Variants in FANK1 observed in about 807,000 individuals in gnomAD.
FANK1 encodes fibronectin type 3 and ankyrin repeat domains protein 1.
FANK1 carries 44 observed loss-of-function variants against 45.3 expected under a neutral mutation model. The ratio of observed to expected loss-of-function variants is 0.97; its 90% CI spans 0.76 to 1.25. The LOEUF (loss-of-function observed/expected upper bound fraction) is 1.25. Among genes scored for constraint, FANK1 ranks in the 50% most tolerant of loss-of-function variants. FANK1 has a pLI of 0.00. For missense variants in FANK1, 391 were observed against 424.4 expected, an observed-to-expected ratio of 0.92 and a Z score of 0.69; for synonymous variants, 149 against 152.5, an observed-to-expected ratio of 0.98 and a Z score of 0.17.
chr10:125,929,200 G>C (rs1947584233), intron 1 of FANK1, among the ~76,000 whole-genome samples: 1 of 152,180 alleles, frequency 6.6e-6, no homozygotes, highest in South Asian at 2.1e-4. Flanking sequence ...AAAGGCCCCT[G>C]GATGGTAGTG....
intron 7 of FANK1, among the ~76,000 whole-genome samples, chr10:126,007,540 C>T (rs954333602): frequency 2.0e-5 from 3 of 152,314 alleles, no homozygotes; most frequent in Admixed American, 1.3e-4. Flanking sequence ...GAAGTGCTCC[C>T]AAGATCTCCT....
At chr10:125,919,806 A>G (rs1241365705) in intron 1 of FANK1, among the ~76,000 whole-genome samples, 1 of 152,210 alleles carries the variant, frequency 6.6e-6, no homozygotes, top group Non-Finnish European at 1.5e-5. Context: ...AAGCAGCCCA[A>G]AAACTCTAGA....
At chr10:125,949,048 G>A (rs1949016285) in intron 1 of FANK1, among the ~76,000 whole-genome samples, 1 of 150,358 alleles carries the variant, frequency 6.7e-6, no homozygotes, top group African/African-American at 2.5e-5. Context: ...TACAGAAAAA[G>A]CCTTTGACAA....
At chr10:125,972,958 C>T (rs1272973910) in intron 1 of FANK1, 3 of 152,444 alleles carry the variant, frequency 2.0e-5, no homozygotes, top group Middle Eastern at 3.1e-3. Flanking sequence ...AGCACCACAC[C>T]CACCTTTTCC....
rs73372509 is a variant in FANK1, at chr10:125,998,474, A to G, written c.539+989A>G. On this transcript the variant is annotated intron_variant, in intron 6 of 10. Coordinates refer to ENST00000368693, the MANE Select transcript of FANK1 (RefSeq NM_145235.5). ...TCCAAGTTTGAAAAGAAAAATAGCA[A>G]TCTGAAAAGGGAAAAGAAAAAAAGT... Among the ~76,000 whole-genome samples the G allele has an allele frequency of 7.2e-3, 1,096 of 152,272 alleles. 13 individuals carry two copies. The highest frequency in any genetic ancestry group is 0.023 in the African/African-American group (936 of 41,514).
chr10:125,936,086 G>A (rs938147381), intron 1 of FANK1, among the ~76,000 whole-genome samples: 4 of 152,098 alleles, frequency 2.6e-5, no homozygotes, highest in African/African-American at 9.7e-5. Context: ...TATATATGTA[G>A]AAACATTTTT....
chr10:125,915,877 C>T (rs1412562192), intron 1 of FANK1, among the ~76,000 whole-genome samples: 1 of 152,080 alleles, frequency 6.6e-6, no homozygotes, highest in African/African-American at 2.4e-5. Context: ...AGATGTTTTC[C>T]CTGTGATTTG....
chr10:125,902,184 C>G (rs1211483787), intron 1 of FANK1, among the ~76,000 whole-genome samples: 1 of 152,162 alleles, frequency 6.6e-6, no homozygotes. Flanking sequence ...ATGGGTGCAG[C>G]ACACCAGCAT....
chr10:125,967,579 C>G (rs1020515223), intron 1 of FANK1, among the ~76,000 whole-genome samples: 4 of 152,092 alleles, frequency 2.6e-5, no homozygotes, highest in Admixed American at 2.6e-4. Context: ...ACTATTCGTT[C>G]TACTTTTTAT....
chr10:125,919,626 A>G (rs1441674181), intron 1 of FANK1, among the ~76,000 whole-genome samples: 1 of 152,126 alleles, frequency 6.6e-6, no homozygotes, highest in South Asian at 2.1e-4. Context: ...GGTTGCTGTT[A>G]TTCTGTTGAA....
intron 7 of FANK1, among the ~76,000 whole-genome samples, chr10:126,006,647 G>A (rs1182676593): frequency 4.6e-5 from 7 of 152,212 alleles, no homozygotes; most frequent in Non-Finnish European, 1.0e-4. Flanking sequence ...ATCACTTGAG[G>A]TCAGGAGTTT....
chr10:125,902,585 A>G (rs1435107358), intron 1 of FANK1, among the ~76,000 whole-genome samples: 1 of 152,284 alleles, frequency 6.6e-6, no homozygotes, highest in South Asian at 2.1e-4. Context: ...TCAGGTACTT[A>G]TAAATGTTAG....
At chr10:126,008,640 C>T in intron 8 of FANK1, 90 bp downstream of exon 8, 2 of 1,439,430 alleles carry the variant, frequency 1.4e-6, no homozygotes, top group East Asian at 4.6e-5. Context: ...TGAGTTCAGC[C>T]CTGCACCAGC....
chr10:125,945,295 A>C (rs1230386975), intron 1 of FANK1, among the ~76,000 whole-genome samples: 3 of 152,218 alleles, frequency 2.0e-5, no homozygotes, highest in East Asian at 1.9e-4. Context: ...TCCCAGTGTG[A>C]GCGACGCAGA....
intron 1 of FANK1, among the ~76,000 whole-genome samples, chr10:125,954,254 A>T (rs1590026792): frequency 6.6e-6 from 1 of 152,136 alleles, no homozygotes; most frequent in African/African-American, 2.4e-5. Flanking sequence ...GACCAGTGGG[A>T]AAGTTGTTTA....
At chr10:125,973,408 GT>G in intron 1 of FANK1, 1 of 985,136 alleles carries the variant, frequency 1.0e-6, no homozygotes, top group Non-Finnish European at 1.2e-6. Context: ...CAACACTGAT[GT>G]CGTGATACAA....
chr10:125,974,556 A>G (rs914965122), intron 1 of FANK1, among the ~76,000 whole-genome samples: 1 of 152,230 alleles, frequency 6.6e-6, no homozygotes, highest in Non-Finnish European at 1.5e-5. Context: ...ATTGCATGCT[A>G]CACAGCTTGG....
At chr10:125,964,791 T>C (rs567413878) in intron 1 of FANK1, among the ~76,000 whole-genome samples, 1 of 152,226 alleles carries the variant, frequency 6.6e-6, no homozygotes, top group Non-Finnish European at 1.5e-5. Flanking sequence ...CAACTTAGCC[T>C]TGCCAACTTG....
intron 1 of FANK1, among the ~76,000 whole-genome samples, chr10:125,904,463 A>T (rs1451489253): frequency 6.6e-6 from 1 of 151,390 alleles, no homozygotes; most frequent in Non-Finnish European, 1.5e-5. Context: ...TCTTAGGGAC[A>T]GGGTCTCACT....
Sources: gnomAD v4.1 joint callset for allele counts (sites outside exome capture counted in the v4.1 genomes callset) on GRCh38, gnomAD v4.1.1 for gene constraint, MANE v1.5 for transcripts, NCBI Gene and HGNC (gene_info 2026-07-23, HGNC 2026-07-21) for gene names.